Variants in PCDHGA8 observed in about 807,000 individuals in gnomAD.
The protein encoded by PCDHGA8 is protocadherin gamma-A8.
PCDHGA8 carries 45 observed loss-of-function variants against 59.2 expected under a neutral mutation model. That is an observed-to-expected ratio of 0.76 (90% confidence interval 0.60 to 0.98). PCDHGA8 has a LOEUF of 0.98. Among genes scored for constraint, PCDHGA8 ranks in the 50% least tolerant of loss-of-function variants. PCDHGA8 has a pLI of 0.00. For synonymous variants in PCDHGA8, 531 were observed against 519.0 expected (o/e 1.02, Z -0.32); for missense variants, 1,257 against 1,196.2 (o/e 1.05, Z -0.75).
chr5:141,511,823 G>A lies in PCDHGA8; in HGVS notation c.*650G>A, dbSNP rs1490513046. On this transcript the variant is annotated 3_prime_UTR_variant, in exon 4 of 4. Transcript: ENST00000398604. ...TTTTGCTACCAAGCCTCTTCCCAACGCCCTGGGGACCAGTCTTCTGTTTTG... is the reference window on the plus strand; with the variant it reads ...TTTTGCTACCAAGCCTCTTCCCAACACCCTGGGGACCAGTCTTCTGTTTTG... 4 of 156,728 alleles carry A rather than the reference G, an allele frequency of 2.6e-5. No homozygotes were observed. The highest frequency in any genetic ancestry group is 3.2e-3 in the Middle Eastern group (1 of 316). 9.7% of individuals were successfully genotyped at this position (156,728 alleles called of 1,614,324 possible). A position where few individuals can be genotyped will look rare whatever the true frequency, so the allele number is the denominator to read the frequency against.
chr5:141,413,456 T>C (rs2095643709), intron 1 of PCDHGA8: 30 of 1,613,982 alleles, frequency 1.9e-5, no homozygotes, highest in South Asian at 2.2e-5. Flanking sequence ...GCGGGCAGGA[T>C]AGACCGGGAG....
chr5:141,394,971 C>T lies in PCDHGA8; in HGVS notation c.2158C>T (p.His720Tyr). ...TCTGGGGCTCAGGCTGAGGCGCTGG[C>T]ACAAGTCACGCCTGCTCCAGGATTC... ...VLLGLRLRRW[H>Y]KSRLLQDSGG... is the part of the protein sequence containing the mutation. The change falls in exon 1 of 4, where the codon CAC (histidine) becomes TAC (tyrosine). Residue 720 changes from histidine to tyrosine, a missense_variant. By Grantham distance (83) the His-to-Tyr change is moderately conservative. Transcript: ENST00000398604. The T allele has an allele frequency of 6.2e-7, 1 of 1,613,938 alleles. No individual in the cohort carries two copies.
At chr5:141,495,974 CTCTT>C (rs1562171251) in intron 2 of PCDHGA8, among the ~76,000 whole-genome samples, 2 of 152,032 alleles carry the variant, frequency 1.3e-5, no homozygotes, top group Non-Finnish European at 1.5e-5. Context: ...TTCTCTGTTA[CTCTT>C]TCTTTATCTC....
chr5:141,426,559 C>T (rs1401963895), intron 1 of PCDHGA8: 1 of 353,038 alleles, frequency 2.8e-6, no homozygotes, highest in Non-Finnish European at 5.6e-6. Context: ...CAGAATAGAT[C>T]GAGAGTCACT....
intron 3 of PCDHGA8, 89 bp from the exon 4 acceptor site, chr5:141,510,858 T>G: frequency 6.2e-7 from 1 of 1,606,182 alleles, no homozygotes; most frequent in Non-Finnish European, 8.5e-7. Context: ...GGGTGCTGTA[T>G]AGGCATTCAT....
In PCDHGA8 at chr5:141,491,841, A is replaced by T. The variant is rs995010359; in HGVS notation, c.2425-2966A>T. The T allele has an allele frequency of 1.4e-6, 2 of 1,465,172 alleles. No homozygotes were observed. The highest frequency in any genetic ancestry group is 1.4e-5 in the African/African-American group (1 of 69,948). 90.8% of individuals were successfully genotyped at this position (1,465,172 alleles called of 1,614,324 possible). ...TGCGCTCCACCCGATTCTCGGGATC[A>T]TTGGACCGTTTGCGCGAAACCAGAG... is the stretch of plus-strand genomic sequence containing the variant. On this transcript the variant is annotated intron_variant, in intron 1 of 3. Transcript: ENST00000398604. The surrounding 1 kb of genome is among the most constrained non-coding windows in gnomAD (Gnocchi z 6.9).
rs2092726404 is a variant in PCDHGA8, at chr5:141,393,316, A to T, written c.503A>T (p.Gln168Leu). The T allele has an allele frequency of 1.2e-6, 2 of 1,612,964 alleles. No individual in the cohort carries two copies. The highest frequency in any genetic ancestry group is 1.7e-6 in the Non-Finnish European group (2 of 1,179,748). ...VDPDVGVNSL[Q>L]SYQLSPNHHF... Reference sequence around the variant, plus strand: ...CCGGATGTGGGCGTGAACTCCCTCCAGAGCTACCAGCTCAGCCCCAATCAC... The same window carrying T: ...CCGGATGTGGGCGTGAACTCCCTCCTGAGCTACCAGCTCAGCCCCAATCAC... Residue 168 changes from glutamine (Q) to leucine (L), a missense_variant, in exon 1 of 4, where the codon CAG becomes CTG. Transcript: ENST00000398604.
chr5:141,499,047 GA>G (rs2099789201), intron 2 of PCDHGA8, among the ~76,000 whole-genome samples: 1 of 151,580 alleles, frequency 6.6e-6, no homozygotes, highest in South Asian at 2.1e-4. Flanking sequence ...GAAAAAGGGA[GA>G]AAAAATGAAG....
intron 1 of PCDHGA8, chr5:141,399,769 G>A (rs369379702): frequency 2.6e-5 from 42 of 1,613,216 alleles, no homozygotes; most frequent in Non-Finnish European, 3.5e-5. Flanking sequence ...GCGCGTGTTG[G>A]TGGGCGACCG....
At chr5:141,498,220 G>T (rs1562182972) in intron 2 of PCDHGA8, among the ~76,000 whole-genome samples, 1 of 152,222 alleles carries the variant, frequency 6.6e-6, no homozygotes, top group Non-Finnish European at 1.5e-5. Flanking sequence ...GAGCATTCCA[G>T]ATGGTCAGGC....
At chr5:141,402,335 G>A (rs1157845729) in intron 1 of PCDHGA8, among the ~76,000 whole-genome samples, 1 of 151,508 alleles carries the variant, frequency 6.6e-6, no homozygotes, top group Non-Finnish European at 1.5e-5. Context: ...CAAATATATA[G>A]GTATAAAAAT....
intron 1 of PCDHGA8, chr5:141,479,290 T>C (rs1045200175): frequency 1.3e-5 from 2 of 152,438 alleles, no homozygotes; most frequent in Non-Finnish European, 2.9e-5. Flanking sequence ...AAAATAAATC[T>C]AGGCAACCCA....
rs996556361 is a variant in PCDHGA8, at chr5:141,511,290, A to G, written c.*117A>G. 1.3e-6 allele frequency: 2 copies of G among 1,516,984 alleles called. No homozygotes were observed. The highest frequency in any genetic ancestry group is 1.8e-6 in the Non-Finnish European group (2 of 1,129,124). The allele number at this position is 1,516,984 out of a possible 1,614,324, so 94.0% of individuals were successfully genotyped here. ...AACCCCCAGAATACTGGTAGGGGCC[A>G]AGGCCATGCTCCCCTTGGGAAACAG... is the stretch of plus-strand genomic sequence containing the variant. On this transcript the variant is annotated 3_prime_UTR_variant, in exon 4 of 4. Coordinates refer to ENST00000398604, the MANE Select transcript of PCDHGA8 (RefSeq NM_032088.2).
Position 141,510,960 on chromosome 5 carries a change from G to T in PCDHGA8, c.2586G>T (p.Gly862=). The T allele has an allele frequency of 6.2e-7, 1 of 1,614,120 alleles. No individual in the cohort carries two copies. The highest frequency in any genetic ancestry group is 1.3e-5 in the African/African-American group (1 of 75,022). ...ILASASEAAD[G]SSTLGGGAGT... is the part of the protein sequence containing the mutation. ...CTGTCTCTGCAGAAGCTGCTGATGG[G>T]AGCTCCACCCTGGGAGGGGGTGCCG... Residue 862 remains glycine, a synonymous_variant, in exon 4 of 4, where the codon GGG becomes GGT. Transcript: ENST00000398604.
chr5:141,432,271 C>T lies in PCDHGA8; in HGVS notation c.2424+37034C>T. On this transcript the variant is annotated intron_variant, in intron 1 of 3. Transcript: ENST00000398604. The surrounding 1 kb of genome is among the most constrained non-coding windows in gnomAD (Gnocchi z 6.0). ...TCCAAGGGGCAAGCCTATCGTCCTA[C>T]GTGTCCATCAACTCCGACACTGGGG... is the stretch of plus-strand genomic sequence containing the variant. The T allele has an allele frequency of 6.2e-7, 1 of 1,614,264 alleles. No individual in the cohort carries two copies. Among genetic ancestry groups the T allele is most frequent in the Non-Finnish European group, 8.5e-7 (1 of 1,180,050 alleles).
intron 1 of PCDHGA8, among the ~76,000 whole-genome samples, chr5:141,481,109 A>G (rs959629019): frequency 6.6e-6 from 1 of 152,186 alleles, no homozygotes; most frequent in Non-Finnish European, 1.5e-5. Flanking sequence ...GGAACCTACC[A>G]ATCCATCATT....
At chr5:141,458,437 C>T (rs777855535) in intron 1 of PCDHGA8, among the ~76,000 whole-genome samples, 1 of 152,026 alleles carries the variant, frequency 6.6e-6, no homozygotes, top group Non-Finnish European at 1.5e-5. Flanking sequence ...AGAGGAGGTC[C>T]CCCACATTAA....
At chr5:141,407,360 A>G (rs1024336863) in intron 1 of PCDHGA8, among the ~76,000 whole-genome samples, 1 of 152,232 alleles carries the variant, frequency 6.6e-6, no homozygotes, top group Non-Finnish European at 1.5e-5. Flanking sequence ...GGAAAACATA[A>G]CAGATATCCA....
chr5:141,481,913 C>CAAAAAAAAAAAAA (rs34114744), intron 1 of PCDHGA8, among the ~76,000 whole-genome samples: 1 of 90,852 alleles, frequency 1.1e-5, no homozygotes. Flanking sequence ...AACTCCATCT[C>CAAAAAAAAAAAAA]AAAAAAAAAA....
Sources: gnomAD v4.1 joint callset for allele counts (sites outside exome capture counted in the v4.1 genomes callset) on GRCh38, gnomAD v4.1.1 for gene constraint, Gnocchi (gnomAD v3.1) non-coding constraint, MANE v1.5 for transcripts, NCBI Gene and HGNC (gene_info 2026-07-23, HGNC 2026-07-21) for gene names.